TBC1D22A: variants seen among roughly 807,000 people sequenced by gnomAD.
The protein encoded by TBC1D22A is TBC1 domain family member 22A.
TBC1D22A carries 38 observed loss-of-function variants against 60.2 expected under a neutral mutation model. The ratio of observed to expected loss-of-function variants is 0.63; its 90% CI spans 0.49 to 0.83. The LOEUF (loss-of-function observed/expected upper bound fraction) is 0.83. Ranked by LOEUF, TBC1D22A falls within the 40% of genes least tolerant of loss-of-function variation. The pLI, the probability that TBC1D22A is intolerant of heterozygous loss-of-function variation, is 0.00. For synonymous variants in TBC1D22A, 302 were observed against 281.7 expected (o/e 1.07, Z -0.72); for missense variants, 628 against 701.0 (o/e 0.90, Z 1.18).
intron 11 of TBC1D22A, among the ~76,000 whole-genome samples, chr22:47,063,861 G>A (rs575795420): frequency 2.0e-5 from 3 of 152,326 alleles, no homozygotes; most frequent in South Asian, 2.1e-4. Context: ...CTGTCGCTAC[G>A]TAGCCTTCTC....
At chr22:46,836,472 T>C (rs2086525858) in intron 4 of TBC1D22A, among the ~76,000 whole-genome samples, 1 of 151,170 alleles carries the variant, frequency 6.6e-6, no homozygotes, top group South Asian at 2.1e-4. Context: ...AGAAAAAACA[T>C]ACAGTTGATA....
intron 4 of TBC1D22A, among the ~76,000 whole-genome samples, chr22:46,806,269 G>A (rs1428660088): frequency 6.6e-6 from 1 of 151,912 alleles, no homozygotes; most frequent in African/African-American, 2.4e-5. Context: ...GGGTGTAGAG[G>A]GACTCAGTAA....
chr22:47,107,310 A>G (rs985800498), intron 11 of TBC1D22A, among the ~76,000 whole-genome samples: 1 of 152,198 alleles, frequency 6.6e-6, no homozygotes, highest in African/African-American at 2.4e-5. Context: ...ATTAACCTGA[A>G]TGTATCAGGA....
At chr22:47,006,978 A>T (rs1437644662) in intron 10 of TBC1D22A, among the ~76,000 whole-genome samples, 1 of 152,096 alleles carries the variant, frequency 6.6e-6, no homozygotes, top group Non-Finnish European at 1.5e-5. Flanking sequence ...GGAGCTGGGG[A>T]CAATAACGCA....
intron 11 of TBC1D22A, among the ~76,000 whole-genome samples, chr22:47,069,457 C>T (rs567873771): frequency 1.1e-4 from 16 of 152,278 alleles, no homozygotes; most frequent in African/African-American, 2.9e-4. Flanking sequence ...GGTGAGGCCT[C>T]GGCCCTAGCC....
chr22:47,090,734 C>T (rs867476962), intron 11 of TBC1D22A, among the ~76,000 whole-genome samples: 11 of 150,756 alleles, frequency 7.3e-5, no homozygotes, highest in South Asian at 6.3e-4. Flanking sequence ...GGAGTGGCCT[C>T]GCAGAGGGGG....
intron 4 of TBC1D22A, among the ~76,000 whole-genome samples, chr22:46,851,449 T>A (rs1241541816): frequency 6.6e-6 from 1 of 152,220 alleles, no homozygotes; most frequent in African/African-American, 2.4e-5. Flanking sequence ...GGTGCCTGAG[T>A]GCCTGTGCCC....
intron 11 of TBC1D22A, among the ~76,000 whole-genome samples, chr22:47,059,068 C>T (rs1485514763): frequency 6.6e-6 from 1 of 152,252 alleles, no homozygotes; most frequent in Non-Finnish European, 1.5e-5. Flanking sequence ...ATCCTGAGAG[C>T]TGCTGCGTTC....
At chr22:47,159,007 C>T (rs1334535968) in intron 12 of TBC1D22A, among the ~76,000 whole-genome samples, 1 of 144,546 alleles carries the variant, frequency 6.9e-6, no homozygotes, top group Admixed American at 6.8e-5. Flanking sequence ...ACAGATAACA[C>T]CTCACCATAT....
At chr22:47,112,330 A>C (rs1180977639) in intron 12 of TBC1D22A, among the ~76,000 whole-genome samples, 4 of 152,214 alleles carry the variant, frequency 2.6e-5, no homozygotes, top group Non-Finnish European at 5.9e-5. Context: ...GGGTGCAGCA[A>C]GGAAGACCCC....
chr22:47,103,103 G>C (rs1026127499), intron 11 of TBC1D22A, among the ~76,000 whole-genome samples: 3 of 152,128 alleles, frequency 2.0e-5, no homozygotes, highest in Non-Finnish European at 2.9e-5. Flanking sequence ...TCTCAGTGCC[G>C]AGCTTCCATG....
chr22:46,913,039 A>G (rs1209271575), intron 8 of TBC1D22A, among the ~76,000 whole-genome samples: 2 of 152,212 alleles, frequency 1.3e-5, no homozygotes, highest in African/African-American at 2.4e-5. Context: ...TAACTGGTTG[A>G]ACAGTGTTTT....
intron 8 of TBC1D22A, among the ~76,000 whole-genome samples, chr22:46,943,444 T>G (rs1201911513): frequency 1.3e-5 from 2 of 152,242 alleles, no homozygotes; most frequent in Non-Finnish European, 2.9e-5. Context: ...GCTTTAAACG[T>G]TCAACCTTGA....
chr22:47,130,730 C>T (rs1359963058), intron 12 of TBC1D22A, among the ~76,000 whole-genome samples: 1 of 152,216 alleles, frequency 6.6e-6, no homozygotes, highest in East Asian at 1.9e-4. Context: ...TCAAGGTTTT[C>T]ATCTCTAAGA....
At chr22:46,895,661 G>A (rs1029816211) in intron 7 of TBC1D22A, among the ~76,000 whole-genome samples, 1 of 152,156 alleles carries the variant, frequency 6.6e-6, no homozygotes, top group Non-Finnish European at 1.5e-5. Flanking sequence ...TGTGAGCCAC[G>A]GCGCCCGGCG....
intron 8 of TBC1D22A, chr22:46,913,798 C>A (rs562401472): frequency 1.0e-6 from 1 of 979,772 alleles, no homozygotes; most frequent in Non-Finnish European, 1.2e-6. Context: ...ACTACTTTAC[C>A]GCCAACTTCT....
chr22:46,879,513 G>C (rs2147501226), intron 5 of TBC1D22A, among the ~76,000 whole-genome samples: 1 of 152,216 alleles, frequency 6.6e-6, no homozygotes, highest in South Asian at 2.1e-4. Context: ...ACTCTTTCTG[G>C]CTAATGAGCC....
At chr22:46,785,371 G>A (rs866890917) in intron 1 of TBC1D22A, among the ~76,000 whole-genome samples, 1 of 152,150 alleles carries the variant, frequency 6.6e-6, no homozygotes, top group Non-Finnish European at 1.5e-5. Context: ...TTCCAAGAGC[G>A]GGAACCCAAG....
intron 1 of TBC1D22A, among the ~76,000 whole-genome samples, chr22:46,771,003 T>C (rs2083462475): frequency 6.6e-6 from 1 of 152,196 alleles, no homozygotes; most frequent in Non-Finnish European, 1.5e-5. Context: ...GTTCCTTTTC[T>C]TGTTCCTTTC....
Sources: allele counts gnomAD v4.1 joint callset (sites outside exome capture counted in the v4.1 genomes callset), GRCh38; gene constraint gnomAD v4.1.1; transcripts MANE v1.5; gene names NCBI Gene and HGNC (gene_info 2026-07-23, HGNC 2026-07-21).